RFX4: variants seen among roughly 807,000 people sequenced by gnomAD.
The protein encoded by RFX4 is regulatory factor X4, also known as transcription factor RFX4.
A neutral mutation model predicts 95.0 loss-of-function variants in RFX4; 10 were observed. The ratio of observed to expected loss-of-function variants is 0.11; its 90% CI spans 0.06 to 0.18. RFX4 has a LOEUF of 0.18. Ranked by LOEUF, RFX4 falls within the 10% of genes least tolerant of loss-of-function variation. The probability of loss-of-function intolerance (pLI) is 1.00; values close to 1 mark genes in which losing one functional copy is unlikely to be tolerated. For synonymous variants in RFX4, 321 were observed against 340.7 expected (o/e 0.94, Z 0.64); for missense variants, 640 against 922.0 (o/e 0.69, Z 3.96).
intron 1 of RFX4, chr12:106,585,664 G>T (rs1440015606): frequency 6.6e-6 from 1 of 152,158 alleles, no homozygotes; most frequent in East Asian, 1.9e-4. Flanking sequence ...CGCGCTCCAT[G>T]GAGCAGTTCG....
intron 1 of RFX4, among the ~76,000 whole-genome samples, chr12:106,607,056 A>G (rs566970016): frequency 4.1e-3 from 623 of 152,278 alleles, no homozygotes; most frequent in Non-Finnish European, 6.9e-3. Flanking sequence ...ACTTATGCAG[A>G]GGGCCTGGCA....
chr12:106,675,453 A>T (rs2137379906), intron 4 of RFX4, among the ~76,000 whole-genome samples: 1 of 152,224 alleles, frequency 6.6e-6, no homozygotes, highest in East Asian at 1.9e-4. Flanking sequence ...AAGAAACAAG[A>T]AGAAAAGAAA....
intron 4 of RFX4, among the ~76,000 whole-genome samples, chr12:106,658,199 G>A (rs541300857): frequency 3.3e-5 from 5 of 152,212 alleles, no homozygotes; most frequent in East Asian, 1.9e-4. Context: ...ATGTGAACTC[G>A]TTTAACCTTC....
At chr12:106,749,101 A>G (rs2042949386) in intron 16 of RFX4, among the ~76,000 whole-genome samples, 1 of 149,600 alleles carries the variant, frequency 6.7e-6, no homozygotes. Flanking sequence ...AAAAAAAAGA[A>G]AAGAAAAATT....
intron 2 of RFX4, among the ~76,000 whole-genome samples, chr12:106,634,867 G>A (rs1343505481): frequency 1.3e-5 from 2 of 152,124 alleles, no homozygotes; most frequent in East Asian, 3.9e-4. Context: ...GTGCCTACCT[G>A]TATCACAGCA....
intron 8 of RFX4, among the ~76,000 whole-genome samples, chr12:106,703,504 C>T (rs2042028863): frequency 6.6e-6 from 1 of 152,196 alleles, no homozygotes; most frequent in South Asian, 2.1e-4. Flanking sequence ...TTATTAAAAT[C>T]TTTCTCAGTC....
At chr12:106,608,946 GTAGTGCCAC>G in intron 2 of RFX4, 63 bp downstream of exon 2, 1 of 1,472,606 alleles carries the variant, frequency 6.8e-7, no homozygotes, top group Non-Finnish European at 9.4e-7. Context: ...TGATGGGAGG[GTAGTGCCAC>G]TAGATTGCTA....
At chr12:106,688,733 A>G (rs1038459250) in intron 6 of RFX4, among the ~76,000 whole-genome samples, 3 of 151,888 alleles carry the variant, frequency 2.0e-5, no homozygotes, top group Non-Finnish European at 4.4e-5. Flanking sequence ...AAACATAAAA[A>G]TAAAAAAATT....
At chr12:106,584,760 C>T (rs2137156535) in intron 1 of RFX4, among the ~76,000 whole-genome samples, 1 of 152,314 alleles carries the variant, frequency 6.6e-6, no homozygotes, top group South Asian at 2.1e-4. Context: ...GGGGGATATT[C>T]TGTGTTTTAG....
intron 4 of RFX4, among the ~76,000 whole-genome samples, chr12:106,678,006 T>C (rs2041429798): frequency 6.6e-6 from 1 of 152,182 alleles, no homozygotes; most frequent in Non-Finnish European, 1.5e-5. Flanking sequence ...ACTGCATGTA[T>C]TGATCTATAC....
intron 11 of RFX4, among the ~76,000 whole-genome samples, chr12:106,717,744 AATGTC>A (rs2042321101): frequency 6.6e-6 from 1 of 152,222 alleles, no homozygotes. Context: ...CAAAGAGAAC[AATGTC>A]ATGTAATACA....
intron 8 of RFX4, among the ~76,000 whole-genome samples, chr12:106,696,996 G>A (rs2041892530): frequency 6.6e-6 from 1 of 152,148 alleles, no homozygotes; most frequent in Non-Finnish European, 1.5e-5. Flanking sequence ...CCACCACACA[G>A]GGCGCTTCTC....
In RFX4 at chr12:106,745,264, A is replaced by G. The variant is rs1377112025; in HGVS notation, c.1634-2173A>G. ...GTTTCCTCATCTATAAATGGGGGAT[A>G]ACGTTCTTTTAAGGGTGTGTGACAA... On this transcript the variant is annotated intron_variant, in intron 15 of 17. Transcript: ENST00000392842. 2.0e-5 allele frequency among the ~76,000 whole-genome samples: 3 copies of G among 152,262 alleles called. No individual in the cohort carries two copies. The East Asian group carries it at 5.8e-4, about 29-fold the overall frequency.
At chr12:106,736,301 C>T (rs73395368) in intron 15 of RFX4, among the ~76,000 whole-genome samples, 1,611 of 152,286 alleles carry the variant, frequency 0.011, 18 homozygotes, top group African/African-American at 0.036. Flanking sequence ...CAAACTGATC[C>T]ACAGACCAGC....
At chr12:106,601,108 C>T (rs2039696008) in intron 1 of RFX4, 1 of 1,408,804 alleles carries the variant, frequency 7.1e-7, no homozygotes, top group Non-Finnish European at 9.3e-7. Flanking sequence ...TTCCTGGAAC[C>T]CAGCAGCCCC....
chr12:106,760,667 T>C (rs2043192980), intron 17 of RFX4, among the ~76,000 whole-genome samples: 1 of 152,238 alleles, frequency 6.6e-6, no homozygotes, highest in Admixed American at 6.5e-5. Flanking sequence ...AGCCTGCTTT[T>C]AGGCTGAAGT....
intron 8 of RFX4, among the ~76,000 whole-genome samples, chr12:106,703,248 G>A (rs1475583332): frequency 2.6e-5 from 4 of 152,108 alleles, no homozygotes; most frequent in Admixed American, 1.3e-4. Flanking sequence ...TTATAATTTT[G>A]TAGATTATCT....
At chr12:106,654,206 C>T in intron 3 of RFX4, 22 bp from the exon 4 acceptor site, 1 of 1,613,374 alleles carries the variant, frequency 6.2e-7, no homozygotes, top group Non-Finnish European at 8.5e-7. Flanking sequence ...ATTTTTTGCT[C>T]ATTGGGCGTT....
chr12:106,677,825 G>A lies in RFX4; in HGVS notation c.316-4168G>A, dbSNP rs148326502. 1.9e-3 allele frequency among the ~76,000 whole-genome samples: 296 copies of A among 152,266 alleles called. 3 individuals carry two copies. Among genetic ancestry groups the A allele is most frequent in the African/African-American group, 6.7e-3 (280 of 41,562 alleles). ...GAGATCACAGTGGACTAGTGCAGTA[G>A]TGGGGGTAAGGGCAGAAAGAGAGAA... is the stretch of plus-strand genomic sequence containing the variant. On this transcript the variant is annotated intron_variant, in intron 4 of 17. Transcript: ENST00000392842.
Sources: gnomAD v4.1 joint callset for allele counts (sites outside exome capture counted in the v4.1 genomes callset) on GRCh38, gnomAD v4.1.1 for gene constraint, MANE v1.5 for transcripts, NCBI Gene and HGNC (gene_info 2026-07-23, HGNC 2026-07-21) for gene names.